TENM2: variants seen among roughly 807,000 people sequenced by gnomAD.
The protein encoded by TENM2 is teneurin-2.
In TENM2, 52 loss-of-function variants were observed where a neutral mutation model predicts 245.2. The observed-to-expected ratio is 0.21, with a 90% confidence interval of 0.17 to 0.27. TENM2 has a LOEUF of 0.27. TENM2 is among the 10% of genes least tolerant of loss of function. The pLI, the probability that TENM2 is intolerant of heterozygous loss-of-function variation, is 1.00. For missense variants in TENM2, 3,046 were observed against 3,666.8 expected (o/e 0.83, Z 4.37); for synonymous variants, 1,363 against 1,438.9 (o/e 0.95, Z 1.19).
At chr5:167,543,743 T>C (rs1772370103) in intron 2 of TENM2, among the ~76,000 whole-genome samples, 1 of 152,168 alleles carries the variant, frequency 6.6e-6, no homozygotes, top group Non-Finnish European at 1.5e-5. Flanking sequence ...CTTGCCCCTT[T>C]CTAGCTTACG....
At chr5:167,169,602 G>A in the TENM2 span, among the ~76,000 whole-genome samples, 2 of 152,160 alleles carry the variant, frequency 1.3e-5, no homozygotes, top group African/African-American at 2.4e-5. Flanking sequence ...CACACTCAGC[G>A]GTGTGCATAG....
the TENM2 span, among the ~76,000 whole-genome samples, chr5:167,070,437 G>A: frequency 6.6e-6 from 1 of 151,858 alleles, no homozygotes; most frequent in African/African-American, 2.4e-5. Flanking sequence ...CCTCATTTGA[G>A]AAATATTGAT....
the TENM2 span, among the ~76,000 whole-genome samples, chr5:167,220,378 C>T: frequency 6.6e-6 from 1 of 152,088 alleles, no homozygotes; most frequent in African/African-American, 2.4e-5. Flanking sequence ...GCTAAGAACC[C>T]AACTTGTGGA....
At chr5:167,825,073 G>A (rs1045000051) in intron 2 of TENM2, among the ~76,000 whole-genome samples, 17 of 152,188 alleles carry the variant, frequency 1.1e-4, no homozygotes, top group African/African-American at 4.1e-4. Flanking sequence ...ATCTGGTTGG[G>A]AGGGAGGCAA....
the TENM2 span, among the ~76,000 whole-genome samples, chr5:167,265,331 C>CAAAAAAA: frequency 1.0e-4 from 4 of 39,398 alleles, no homozygotes; most frequent in African/African-American, 3.2e-4. Context: ...GACTCTGTCT[C>CAAAAAAA]AAAAAAAAAA....
At chr5:167,947,164 T>C (rs60646204) in intron 3 of TENM2, among the ~76,000 whole-genome samples, 1,665 of 152,262 alleles carry the variant, frequency 0.011, 30 homozygotes, top group African/African-American at 0.036. Context: ...AACTGCCATT[T>C]CAAAGGACTT....
chr5:168,151,958 T>A lies in TENM2; in HGVS notation c.2423-10653T>A, dbSNP rs115294717. On this transcript the variant is annotated intron_variant, in intron 12 of 28. Coordinates refer to ENST00000518659, the Ensembl canonical transcript of TENM2. Reference sequence around the variant, plus strand: ...AAGATTTTCAGTGCAAAAACTTGGATCATCCAGGGCAAATTGGAAGGGTTG... The same window carrying A: ...AAGATTTTCAGTGCAAAAACTTGGAACATCCAGGGCAAATTGGAAGGGTTG... 4.3e-3 allele frequency among the ~76,000 whole-genome samples: 650 copies of A among 152,304 alleles called. 9 individuals carry two copies. The highest frequency in any genetic ancestry group is 0.015 in the African/African-American group (629 of 41,554).
At chr5:167,317,654 T>C (rs141539573) in intron 1 of TENM2, among the ~76,000 whole-genome samples, 29 of 152,310 alleles carry the variant, frequency 1.9e-4, no homozygotes, top group South Asian at 1.5e-3. Context: ...ATTAAGGTAA[T>C]CAGGCCACAT....
At chr5:167,406,435 T>A (rs1489484906) in intron 2 of TENM2, among the ~76,000 whole-genome samples, 2 of 152,156 alleles carry the variant, frequency 1.3e-5, no homozygotes, top group Non-Finnish European at 2.9e-5. Flanking sequence ...TGAAGTAGAG[T>A]AGATTGAGTA....
chr5:167,861,595 C>G (rs1255985249), intron 2 of TENM2, among the ~76,000 whole-genome samples: 3 of 152,170 alleles, frequency 2.0e-5, no homozygotes, highest in African/African-American at 7.2e-5. Context: ...GGGGCAGGCT[C>G]TGGGGGCATT....
intron 5 of TENM2, among the ~76,000 whole-genome samples, chr5:168,031,593 C>G (rs754271912): frequency 6.7e-6 from 1 of 149,238 alleles, no homozygotes; most frequent in African/African-American, 2.5e-5. Flanking sequence ...AAATGAGGGT[C>G]TGGGAGGAAA....
chr5:167,694,294 C>T (rs1169330915), intron 2 of TENM2, among the ~76,000 whole-genome samples: 1 of 152,142 alleles, frequency 6.6e-6, no homozygotes, highest in Admixed American at 6.5e-5. Context: ...CTCTACAAAA[C>T]TGGGATCCTG....
chr5:167,446,788 A>AACGCACAC (rs1374181730), intron 2 of TENM2, among the ~76,000 whole-genome samples: 29 of 92,250 alleles, frequency 3.1e-4, no homozygotes, highest in African/African-American at 1.2e-3. Context: ...CAGTTTTTGA[A>AACGCACAC]ACACGCACAC....
intron 2 of TENM2, among the ~76,000 whole-genome samples, chr5:167,475,559 T>C (rs1018805818): frequency 6.6e-6 from 1 of 152,134 alleles, no homozygotes; most frequent in Non-Finnish European, 1.5e-5. Context: ...ACATGTGCCA[T>C]GGTGGTTTGC....
chr5:167,984,169 A>G (rs2151977816), intron 4 of TENM2, among the ~76,000 whole-genome samples: 1 of 152,326 alleles, frequency 6.6e-6, no homozygotes, highest in East Asian at 1.9e-4. Flanking sequence ...TGGTTGTCTC[A>G]GTCTAGGATT....
upstream of TENM2, among the ~76,000 whole-genome samples, chr5:167,281,113 GTT>G (rs754623913): frequency 8.2e-6 from 1 of 122,510 alleles, no homozygotes. Flanking sequence ...GACAATCAAT[GTT>G]TTTTTTTTTT....
At chr5:167,447,881 A>G (rs953710081) in intron 2 of TENM2, among the ~76,000 whole-genome samples, 2 of 152,164 alleles carry the variant, frequency 1.3e-5, no homozygotes, top group African/African-American at 2.4e-5. Context: ...CACCGAGGAA[A>G]GTGGCAAGGG....
chr5:167,321,463 T>C (rs1262476734), intron 1 of TENM2, among the ~76,000 whole-genome samples: 1 of 152,150 alleles, frequency 6.6e-6, no homozygotes, highest in Non-Finnish European at 1.5e-5. Flanking sequence ...TCTGCAGTCA[T>C]AAGCCTTGAG....
intron 6 of TENM2, among the ~76,000 whole-genome samples, chr5:168,052,625 A>G (rs958080164): frequency 2.6e-5 from 4 of 152,138 alleles, no homozygotes; most frequent in Admixed American, 1.3e-4. Context: ...TGATGAGGTC[A>G]GTAGGAAGCA....
Sources: allele counts gnomAD v4.1 joint callset (sites outside exome capture counted in the v4.1 genomes callset), GRCh38; gene constraint gnomAD v4.1.1; transcripts MANE v1.5; gene names NCBI Gene and HGNC (gene_info 2026-07-23, HGNC 2026-07-21).